NTN1: variants seen among roughly 807,000 people sequenced by gnomAD.
NTN1 encodes netrin 1, also known as netrin-1.
A neutral mutation model predicts 54.2 loss-of-function variants in NTN1; 11 were observed. That is an observed-to-expected ratio of 0.20 (90% CI 0.13 to 0.34). The LOEUF (loss-of-function observed/expected upper bound fraction) is 0.34, where lower values mean the gene tolerates loss of function less well. Ranked by LOEUF, NTN1 falls within the 10% of genes least tolerant of loss-of-function variation. The pLI, the probability that NTN1 is intolerant of heterozygous loss-of-function variation, is 1.00. For missense variants in NTN1, 740 were observed against 893.1 expected, an observed-to-expected ratio of 0.83 and a Z score of 2.18; for synonymous variants, 371 against 382.0, an observed-to-expected ratio of 0.97 and a Z score of 0.33.
intron 2 of NTN1, among the ~76,000 whole-genome samples, chr17:9,047,238 C>G (rs1325178973): frequency 2.0e-5 from 3 of 152,172 alleles, no homozygotes; most frequent in African/African-American, 7.2e-5. Context: ...TGCAGTTTGC[C>G]ACATCAACTC....
intron 5 of NTN1, among the ~76,000 whole-genome samples, chr17:9,205,873 T>G (rs1904955283): frequency 6.6e-6 from 1 of 152,262 alleles, no homozygotes; most frequent in African/African-American, 2.4e-5. Flanking sequence ...GAACTGCCTC[T>G]TCCTATGTGG....
intron 2 of NTN1, among the ~76,000 whole-genome samples, chr17:9,114,480 ACTGTGGCTCACAC>A (rs1249985259): frequency 1.3e-5 from 2 of 149,808 alleles, no homozygotes; most frequent in East Asian, 3.9e-4. Context: ...GAGGCCGGGC[ACTGTGGCTCACAC>A]CTGTAATCCC....
intron 2 of NTN1, among the ~76,000 whole-genome samples, chr17:9,140,279 G>A (rs558300461): frequency 4.6e-5 from 7 of 152,328 alleles, no homozygotes; most frequent in African/African-American, 1.4e-4. Flanking sequence ...CAGAGCAGGA[G>A]CTCTGAAGTA....
intron 2 of NTN1, among the ~76,000 whole-genome samples, chr17:9,137,590 C>T (rs527841902): frequency 0.018 from 2,742 of 152,148 alleles, 43 homozygotes; most frequent in Admixed American, 0.028. Context: ...GTCAGGAGTT[C>T]GAGACCAGCC....
intron 2 of NTN1, among the ~76,000 whole-genome samples, chr17:9,141,627 C>T (rs1323145956): frequency 6.6e-6 from 1 of 151,866 alleles, no homozygotes; most frequent in African/African-American, 2.4e-5. Context: ...GGAGGGCTTG[C>T]AGAGAGGGGA....
chr17:9,187,841 A>AT (rs2092438516), intron 5 of NTN1, among the ~76,000 whole-genome samples: 1 of 152,028 alleles, frequency 6.6e-6, no homozygotes. Flanking sequence ...AAAAAAAAAA[A>AT]GAAATGAAGT....
At chr17:9,026,391 C>CG (rs34098463) in intron 2 of NTN1, among the ~76,000 whole-genome samples, 5,295 of 137,610 alleles carry the variant, frequency 0.038, 226 homozygotes, top group African/African-American at 0.11. Flanking sequence ...GGATTTCTTC[C>CG]GGGGGGGGGG....
chr17:9,005,931 C>G, the NTN1 span, among the ~76,000 whole-genome samples: 1 of 152,206 alleles, frequency 6.6e-6, no homozygotes, highest in Non-Finnish European at 1.5e-5. Flanking sequence ...CCCACACAGA[C>G]AGTACAAATG....
chr17:9,222,605 A>G (rs1032253345), intron 6 of NTN1, among the ~76,000 whole-genome samples: 1 of 152,148 alleles, frequency 6.6e-6, no homozygotes, highest in African/African-American at 2.4e-5. Context: ...GAGGGAGGAA[A>G]CGGCGGTGGA....
rs1018753435 is a variant in NTN1, at chr17:9,226,165, G to T, written c.1486+4923G>T. 4.2e-5 allele frequency among the ~76,000 whole-genome samples: 6 copies of T among 144,282 alleles called. No homozygotes were observed. The East Asian group carries it at 7.1e-4, about 17-fold the overall frequency. 94.7% of individuals were successfully genotyped at this position (144,282 alleles called of 152,430 possible). A position where few individuals can be genotyped will look rare whatever the true frequency, so the allele number is the denominator to read the frequency against. ...GCAAGGCAAAGGGATTTGGGGTCGGGGGGGGGCCTCAGTGCCAAGGCCCTG... is the reference window on the plus strand; with the variant it reads ...GCAAGGCAAAGGGATTTGGGGTCGGTGGGGGGCCTCAGTGCCAAGGCCCTG... On this transcript the variant is annotated intron_variant, in intron 6 of 6. Transcript: ENST00000173229.
chr17:9,111,776 A>G (rs1322706148), intron 2 of NTN1, among the ~76,000 whole-genome samples: 1 of 152,208 alleles, frequency 6.6e-6, no homozygotes, highest in East Asian at 1.9e-4. Context: ...TAAAGAAAAT[A>G]TATTTACTAT....
intron 5 of NTN1, among the ~76,000 whole-genome samples, chr17:9,208,627 A>C (rs1905026802): frequency 6.6e-6 from 1 of 152,232 alleles, no homozygotes; most frequent in Admixed American, 6.5e-5. Flanking sequence ...ACAAGTGCCA[A>C]GGGGAAAGGC....
chr17:9,169,231 A>T (rs1479686871), intron 3 of NTN1, among the ~76,000 whole-genome samples: 1 of 152,200 alleles, frequency 6.6e-6, no homozygotes, highest in African/African-American at 2.4e-5. Context: ...TCCAGCTTTG[A>T]CATTCCACAT....
intron 2 of NTN1, among the ~76,000 whole-genome samples, chr17:9,061,138 G>A (rs554310401): frequency 6.6e-6 from 1 of 152,268 alleles, no homozygotes; most frequent in Non-Finnish European, 1.5e-5. Context: ...TAGTGATAGA[G>A]CATTCTGATC....
chr17:9,051,486 CT>C (rs1258872565), intron 2 of NTN1, among the ~76,000 whole-genome samples: 1 of 152,218 alleles, frequency 6.6e-6, no homozygotes, highest in African/African-American at 2.4e-5. Flanking sequence ...CCCCTCTCCA[CT>C]TTGCAGTATG....
the NTN1 span, among the ~76,000 whole-genome samples, chr17:9,007,312 CTTTTCCTTT>C: frequency 7.9e-6 from 1 of 126,798 alleles, no homozygotes; most frequent in Non-Finnish European, 1.6e-5. Context: ...TCTTTCCCTT[CTTTTCCTTT>C]CTTTCTTCCT....
chr17:9,235,113 C>A (rs1449388084), intron 6 of NTN1, among the ~76,000 whole-genome samples: 1 of 152,044 alleles, frequency 6.6e-6, no homozygotes, highest in Non-Finnish European at 1.5e-5. Flanking sequence ...CAGGTGTCCA[C>A]CACCATGCCT....
At chr17:9,198,239 A>T (rs1201041299) in intron 5 of NTN1, among the ~76,000 whole-genome samples, 1 of 152,220 alleles carries the variant, frequency 6.6e-6, no homozygotes, top group Admixed American at 6.6e-5. Flanking sequence ...CAGCCTGATC[A>T]CGCGGGAGCT....
intron 2 of NTN1, among the ~76,000 whole-genome samples, chr17:9,054,455 C>T (rs554063692): frequency 1.4e-4 from 22 of 152,190 alleles, no homozygotes; most frequent in South Asian, 6.2e-4. Flanking sequence ...GGCGGGGCAG[C>T]GAGGGAAGGA....
Sources: allele counts gnomAD v4.1 joint callset (sites outside exome capture counted in the v4.1 genomes callset), GRCh38; gene constraint gnomAD v4.1.1; transcripts MANE v1.5; gene names NCBI Gene and HGNC (gene_info 2026-07-23, HGNC 2026-07-21).